Variants in ARMC2 observed in about 807,000 individuals in gnomAD.
The protein encoded by ARMC2 is armadillo repeat containing 2, also known as armadillo repeat-containing protein 2.
A neutral mutation model predicts 90.3 loss-of-function variants in ARMC2; 67 were observed. The observed-to-expected ratio is 0.74, with a 90% confidence interval of 0.61 to 0.91. The LOEUF (loss-of-function observed/expected upper bound fraction) is 0.91, where lower values mean the gene tolerates loss of function less well. ARMC2 is among the 40% of genes least tolerant of loss of function. The pLI, the probability that ARMC2 is intolerant of heterozygous loss-of-function variation, is 0.00. For synonymous variants in ARMC2, 393 were observed against 393.0 expected, an observed-to-expected ratio of 1.00 and a Z score of 0.00; for missense variants, 920 against 1,030.9, an observed-to-expected ratio of 0.89 and a Z score of 1.47.
At chr6:108,889,013 A>G (rs1175104938) in intron 5 of ARMC2, among the ~76,000 whole-genome samples, 1 of 152,092 alleles carries the variant, frequency 6.6e-6, no homozygotes, top group African/African-American at 2.4e-5. Flanking sequence ...GAAACCTTCT[A>G]TGACTGTCTT....
At chr6:108,905,442 C>A (rs1388362569) in intron 8 of ARMC2, among the ~76,000 whole-genome samples, 1 of 151,646 alleles carries the variant, frequency 6.6e-6, no homozygotes, top group African/African-American at 2.4e-5. Flanking sequence ...AGGGCTCTGG[C>A]GGTGCAGCAG....
chr6:109,013,674 T>G, the ARMC2 span, among the ~76,000 whole-genome samples: 383 of 152,338 alleles, frequency 2.5e-3, 3 homozygotes, highest in African/African-American at 8.5e-3. Context: ...AATGCAGTAA[T>G]TGGTTAGAAA....
chr6:108,878,015 A>G (rs1777105817), intron 5 of ARMC2, among the ~76,000 whole-genome samples: 1 of 152,148 alleles, frequency 6.6e-6, no homozygotes, highest in African/African-American at 2.4e-5. Flanking sequence ...AACTTTCAGT[A>G]ACATTTTTTG....
intron 5 of ARMC2, among the ~76,000 whole-genome samples, chr6:108,881,234 TTC>T (rs748035166): frequency 2.0e-5 from 3 of 150,252 alleles, no homozygotes; most frequent in Non-Finnish European, 2.9e-5. Flanking sequence ...CTTTCTGTCT[TTC>T]TCTTTCTTTT....
At chr6:108,952,964 A>G in intron 12 of ARMC2, 69 bp from the exon 13 acceptor site, 1 of 1,364,792 alleles carries the variant, frequency 7.3e-7, no homozygotes, top group Non-Finnish European at 1.0e-6. Context: ...TAAATTAAAT[A>G]CTATCTTCTT....
At chr6:108,911,719 C>A (rs1159612734) in intron 9 of ARMC2, among the ~76,000 whole-genome samples, 1 of 152,052 alleles carries the variant, frequency 6.6e-6, no homozygotes, top group Non-Finnish European at 1.5e-5. Context: ...CGACTGAAAA[C>A]AAATTATGTC....
chr6:109,007,032 T>G, the ARMC2 span, among the ~76,000 whole-genome samples: 1 of 152,224 alleles, frequency 6.6e-6, no homozygotes, highest in Non-Finnish European at 1.5e-5. Flanking sequence ...ACAGGCTCTC[T>G]GTGAAGGTGT....
chr6:108,964,072 G>T, intron 15 of ARMC2, 108 bp from the exon 16 acceptor site: 5 of 1,241,564 alleles, frequency 4.0e-6, no homozygotes, highest in South Asian at 1.5e-5. Context: ...CTTAACAGGG[G>T]TTCTGGGTTT....
chr6:109,007,085 C>T, the ARMC2 span, among the ~76,000 whole-genome samples: 2 of 152,168 alleles, frequency 1.3e-5, no homozygotes, highest in African/African-American at 4.8e-5. Context: ...CCCTCAACAA[C>T]CTAATAACCA....
chr6:108,891,842 A>G (rs1771068850), intron 5 of ARMC2, among the ~76,000 whole-genome samples: 1 of 152,122 alleles, frequency 6.6e-6, no homozygotes, highest in Admixed American at 6.5e-5. Flanking sequence ...CCTGAATGGT[A>G]TTGCCTAGGT....
chr6:108,907,300 C>T (rs1372462652), intron 8 of ARMC2, among the ~76,000 whole-genome samples: 1 of 151,834 alleles, frequency 6.6e-6, no homozygotes, highest in Non-Finnish European at 1.5e-5. Flanking sequence ...TGGAACACAT[C>T]CTACATACTA....
intron 12 of ARMC2, among the ~76,000 whole-genome samples, chr6:108,951,854 C>T (rs992970788): frequency 6.6e-6 from 1 of 152,250 alleles, no homozygotes. Flanking sequence ...CTTCTGGTGA[C>T]ATATTTGCTT....
At chr6:109,021,531 G>A in the ARMC2 span, among the ~76,000 whole-genome samples, 3 of 151,362 alleles carry the variant, frequency 2.0e-5, no homozygotes, top group Admixed American at 6.6e-5. Context: ...TCTGCCTCCC[G>A]GGTTCAAGCA....
downstream of ARMC2, among the ~76,000 whole-genome samples, chr6:108,978,649 T>C (rs532306168): frequency 6.6e-6 from 1 of 152,324 alleles, no homozygotes; most frequent in South Asian, 2.1e-4. Context: ...TGTAGGTCTC[T>C]AAGAACTTGC....
At position 108,876,345 on chromosome 6, in the gene ARMC2, T is replaced by C; in HGVS notation, c.666T>C (p.Asn222=). Reference sequence around the variant, plus strand: ...CATCTTTACCATCTCATCTCAAGAATGGAGGGTCAGTATTCTTTTTATTTA... The same window carrying C: ...CATCTTTACCATCTCATCTCAAGAACGGAGGGTCAGTATTCTTTTTATTTA... ...GTTSLPSHLK[N]GGDQGKRHAR... is the part of the protein sequence containing the mutation. The change falls in exon 5 of 18, where the codon AAT becomes AAC. Residue 222 remains asparagine, a synonymous_variant. Coordinates refer to ENST00000392644, the MANE Select transcript of ARMC2 (RefSeq NM_032131.6). 6.2e-7 allele frequency: 1 copy of C among 1,610,256 alleles called. No homozygotes were observed. The highest frequency in any genetic ancestry group is 8.5e-7 in the Non-Finnish European group (1 of 1,178,212).
the ARMC2 span, chr6:108,998,645 G>A: frequency 6.2e-7 from 1 of 1,613,936 alleles, no homozygotes; most frequent in Non-Finnish European, 8.5e-7. Context: ...TTTCTGGACT[G>A]ATTCCACAGC....
At chr6:108,996,048 A>G in the ARMC2 span, among the ~76,000 whole-genome samples, 1 of 152,164 alleles carries the variant, frequency 6.6e-6, no homozygotes, top group Admixed American at 6.5e-5. Flanking sequence ...TACTCGCATG[A>G]TATTGATTTA....
intron 17 of ARMC2, among the ~76,000 whole-genome samples, chr6:108,972,730 C>T (rs1778842620): frequency 6.6e-6 from 1 of 152,100 alleles, no homozygotes; most frequent in Non-Finnish European, 1.5e-5. Context: ...GTGGCATGAT[C>T]GTGCCCCACT....
the ARMC2 span, among the ~76,000 whole-genome samples, chr6:109,001,860 T>A: frequency 2.0e-5 from 3 of 152,184 alleles, no homozygotes; most frequent in East Asian, 5.8e-4. Context: ...TAAAATTAAC[T>A]AATAGCATAC....
Sources: gnomAD v4.1 joint callset for allele counts (sites outside exome capture counted in the v4.1 genomes callset) on GRCh38, gnomAD v4.1.1 for gene constraint, MANE v1.5 for transcripts, NCBI Gene and HGNC (gene_info 2026-07-23, HGNC 2026-07-21) for gene names.